The following FLRT2 variants were observed in gnomAD, a reference collection of about 807,000 sequenced individuals.
FLRT2 encodes the protein leucine-rich repeat transmembrane protein FLRT2.
In FLRT2, 15 loss-of-function variants were observed where a neutral mutation model predicts 40.0. The ratio of observed to expected loss-of-function variants is 0.38; its 90% confidence interval spans 0.25 to 0.58. The LOEUF (loss-of-function observed/expected upper bound fraction) is 0.58, where lower values mean the gene tolerates loss of function less well. Among genes scored for constraint, FLRT2 ranks in the 20% least tolerant of loss-of-function variants. FLRT2 has a pLI of 0.71. For synonymous variants in FLRT2, 380 were observed against 336.8 expected (o/e 1.13, Z -1.41); for missense variants, 726 against 840.0 (o/e 0.86, Z 1.68).
intron 1 of FLRT2, among the ~76,000 whole-genome samples, chr14:85,535,911 TTTTTTTTTTTGTTG>T (rs1348633992): frequency 1.2e-5 from 1 of 82,110 alleles, no homozygotes; most frequent in African/African-American, 5.6e-5. Flanking sequence ...TTTTTTTTTT[TTTTTTTTTTTGTTG>T]TTGTTGTTGT....
chr14:85,532,415 A>C (rs1888343770), intron 1 of FLRT2, among the ~76,000 whole-genome samples: 1 of 152,228 alleles, frequency 6.6e-6, no homozygotes, highest in Non-Finnish European at 1.5e-5. Flanking sequence ...CCTCCTTCCT[A>C]AATAGAGACG....
chr14:85,605,545 C>A (rs1892566918), intron 1 of FLRT2, among the ~76,000 whole-genome samples: 1 of 152,120 alleles, frequency 6.6e-6, no homozygotes, highest in East Asian at 1.9e-4. Context: ...CCGAGGCGGA[C>A]AGATCACAAG....
chr14:85,562,729 G>A (rs1054252875), intron 1 of FLRT2: 2 of 149,308 alleles, frequency 1.3e-5, no homozygotes, highest in East Asian at 2.0e-4. Flanking sequence ...GTTCAATAAC[G>A]GGAAAGAATG....
intron 1 of FLRT2, among the ~76,000 whole-genome samples, chr14:85,586,732 G>T (rs1891634732): frequency 6.6e-6 from 1 of 151,424 alleles, no homozygotes; most frequent in Non-Finnish European, 1.5e-5. Flanking sequence ...AAGTAAAAAG[G>T]AAAAAATAAA....
intron 1 of FLRT2, among the ~76,000 whole-genome samples, chr14:85,620,213 C>T (rs1170950579): frequency 1.3e-5 from 2 of 152,106 alleles, no homozygotes; most frequent in Non-Finnish European, 2.9e-5. Flanking sequence ...TACGTTTATA[C>T]TACTTTTTTT....
intron 1 of FLRT2, among the ~76,000 whole-genome samples, chr14:85,589,071 C>T (rs1891768067): frequency 1.3e-5 from 2 of 152,144 alleles, no homozygotes; most frequent in African/African-American, 4.8e-5. Flanking sequence ...CATGGGGATG[C>T]AGATATCTCT....
intron 1 of FLRT2, among the ~76,000 whole-genome samples, chr14:85,550,678 G>C (rs1272072247): frequency 1.3e-5 from 2 of 152,118 alleles, no homozygotes; most frequent in Admixed American, 1.3e-4. Context: ...TCAGTTTAAG[G>C]CTTATCCACA....
intron 1 of FLRT2, among the ~76,000 whole-genome samples, chr14:85,553,916 C>G (rs1889795969): frequency 6.6e-6 from 1 of 152,052 alleles, no homozygotes; most frequent in Admixed American, 6.6e-5. Flanking sequence ...GTCCAAACTA[C>G]TTTAAAAAAC....
At chr14:85,566,071 A>G (rs1472199586) in intron 1 of FLRT2, among the ~76,000 whole-genome samples, 1 of 152,190 alleles carries the variant, frequency 6.6e-6, no homozygotes, top group East Asian at 1.9e-4. Context: ...AATCTAAGCC[A>G]TGCCAACAAG....
At chr14:85,532,618 G>C (rs1888355101) in intron 1 of FLRT2, among the ~76,000 whole-genome samples, 1 of 152,170 alleles carries the variant, frequency 6.6e-6, no homozygotes, top group Non-Finnish European at 1.5e-5. Flanking sequence ...GCTCTTGCCA[G>C]AAGCAGCCAG....
At chr14:85,606,521 C>CTTTTTT in intron 1 of FLRT2, among the ~76,000 whole-genome samples, 1 of 99,986 alleles carries the variant, frequency 1.0e-5, no homozygotes, top group African/African-American at 4.2e-5. Flanking sequence ...AGCTGTTACT[C>CTTTTTT]TTTTTTTTTT....
At chr14:85,572,459 G>A (rs1194233514) in intron 1 of FLRT2, among the ~76,000 whole-genome samples, 2 of 152,170 alleles carry the variant, frequency 1.3e-5, no homozygotes, top group East Asian at 3.9e-4. Context: ...ATGGGGAGCA[G>A]GACAGTATAT....
intron 1 of FLRT2, among the ~76,000 whole-genome samples, chr14:85,599,602 C>T (rs1191785298): frequency 6.6e-6 from 1 of 152,246 alleles, no homozygotes; most frequent in South Asian, 2.1e-4. Context: ...GTTAGTCAGA[C>T]AGCGCCATGT....
Position 85,625,740 on chromosome 14 carries a change from T to G in FLRT2, c.*2243T>G, listed in dbSNP as rs1893652825. 6.0e-6 allele frequency: 1 copy of G among 167,098 alleles called. No homozygotes were observed. Among genetic ancestry groups the G allele is most frequent in the Admixed American group, 6.5e-5 (1 of 15,278 alleles). 10.4% of individuals were successfully genotyped at this position (167,098 alleles called of 1,614,324 possible). ...TTGTGTACTTAGCTGGATAATTCCC[T>G]TCTACTGTCCTCTTCCCCTTGGCTG... is the stretch of plus-strand genomic sequence containing the variant. On this transcript the variant is annotated 3_prime_UTR_variant, in exon 2 of 2. Coordinates refer to ENST00000330753, the MANE Select transcript of FLRT2 (RefSeq NM_013231.6).
In FLRT2 at chr14:85,621,957, T is replaced by C; in HGVS notation, c.443T>C (p.Val148Ala). 3 of 1,600,828 alleles carry C rather than the reference T, an allele frequency of 1.9e-6. No homozygotes were observed. The highest frequency in any genetic ancestry group is 2.6e-6 in the Non-Finnish European group (3 of 1,173,404). Residue 148 changes from valine (V) to alanine (A), a missense_variant, in exon 2 of 2, where the codon GTG becomes GCG. Coordinates refer to ENST00000330753, the MANE Select transcript of FLRT2 (RefSeq NM_013231.6). The part of the protein sequence containing the change: ...LHLDDNSIST[V>A]GVEDGAFREA... ...CTGGATGACAACTCCATATCCACAG[T>C]GGGGGTGGAAGACGGGGCCTTCCGG...
chr14:85,637,670 G>A lies in FLRT2; in HGVS notation c.*14173G>A, dbSNP rs1208646257. ...GGTGCCTTCTCATGTGATCAGGAGT[G>A]ATGTAGCTTTGAGGGTGGACCCACC... On this transcript the variant is annotated 3_prime_UTR_variant, in exon 2 of 2. Transcript: ENST00000330753. 1.3e-5 allele frequency: 2 copies of A among 152,206 alleles called. No individual in the cohort carries two copies. The highest frequency in any genetic ancestry group is 4.8e-5 in the African/African-American group (2 of 41,446). 9.4% of individuals were successfully genotyped at this position (152,206 alleles called of 1,614,324 possible).
intron 1 of FLRT2, among the ~76,000 whole-genome samples, chr14:85,574,236 A>C (rs933903997): frequency 2.6e-5 from 4 of 151,382 alleles, no homozygotes; most frequent in Non-Finnish European, 4.4e-5. Flanking sequence ...AAATGATAAT[A>C]TTTTATATAT....
rs769219592 is a variant in FLRT2 at position 85,651,563 on chromosome 14, C to T, written c.*28066C>T. The T allele has an allele frequency of 1.3e-5, 2 of 151,990 alleles. No individual in the cohort carries two copies. Among genetic ancestry groups the T allele is most frequent in the African/African-American group, 2.4e-5 (1 of 41,396 alleles). The allele number at this position is 151,990 out of a possible 1,614,324, so 9.4% of individuals were successfully genotyped here. Reference sequence around the variant, plus strand: ...ATTGGGAAGATTTTAGAATACTTAACGTATGTTTTCTAATTAAGCAGTGAC... The same window carrying T: ...ATTGGGAAGATTTTAGAATACTTAATGTATGTTTTCTAATTAAGCAGTGAC... On this transcript the variant is annotated 3_prime_UTR_variant, in exon 2 of 2. Transcript: ENST00000330753.
Position 85,621,540 on chromosome 14 carries a change from C to T in FLRT2, c.26C>T (p.Pro9Leu). MGLQTTKW[P>L]SHGAFFLKSW... ...ATGGGCCTACAGACCACAAAGTGGC[C>T]CAGCCATGGGGCTTTTTTCCTGAAG... The change falls in exon 2 of 2, where the codon CCC becomes CTC. Residue 9 changes from proline to leucine, a missense_variant. By Grantham distance (98) the Pro-to-Leu change is moderately conservative. Coordinates refer to ENST00000330753, the MANE Select transcript of FLRT2 (RefSeq NM_013231.6). 6.2e-7 allele frequency: 1 copy of T among 1,613,038 alleles called. No individual in the cohort carries two copies. The highest frequency in any genetic ancestry group is 8.5e-7 in the Non-Finnish European group (1 of 1,179,582).
Sources: gnomAD v4.1 joint callset for allele counts (sites outside exome capture counted in the v4.1 genomes callset) on GRCh38, gnomAD v4.1.1 for gene constraint, MANE v1.5 for transcripts, NCBI Gene and HGNC (gene_info 2026-07-23, HGNC 2026-07-21) for gene names.